Variants in SPADH observed in about 807,000 individuals in gnomAD.
SPADH encodes CUB domain-containing protein.
At chr10:122,674,370 C>T in the SPADH span, among the ~76,000 whole-genome samples, 1 of 152,234 alleles carries the variant, frequency 6.6e-6, no homozygotes, top group Non-Finnish European at 1.5e-5. Flanking sequence ...CAGCTTCTTC[C>T]CCATGCCTCA....
chr10:122,678,578 C>A, the SPADH span, among the ~76,000 whole-genome samples: 2 of 152,268 alleles, frequency 1.3e-5, no homozygotes, highest in South Asian at 2.1e-4. Flanking sequence ...ATGGGCTGGG[C>A]TCCCTGGAAG....
At chr10:122,673,825 C>A in the SPADH span, among the ~76,000 whole-genome samples, 1 of 152,208 alleles carries the variant, frequency 6.6e-6, no homozygotes, top group Admixed American at 6.5e-5. Context: ...GCTGACTGCA[C>A]ACTCACGTCA....
At chr10:122,678,903 A>T in the SPADH span, 5 of 984,908 alleles carry the variant, frequency 5.1e-6, no homozygotes, top group South Asian at 1.9e-4. Flanking sequence ...CCAGGGTCTG[A>T]GTCCTTGGAC....
the SPADH span, among the ~76,000 whole-genome samples, chr10:122,677,983 C>T: frequency 6.6e-6 from 1 of 152,274 alleles, no homozygotes; most frequent in Non-Finnish European, 1.5e-5. Context: ...TGGACATTTT[C>T]CCATATTGTC....
the SPADH span, chr10:122,676,838 GATC>G: frequency 2.0e-6 from 2 of 985,174 alleles, no homozygotes; most frequent in Non-Finnish European, 2.4e-6. Context: ...AATGCGTCTG[GATC>G]ATCGAGTTGA....
At chr10:122,675,233 C>T in the SPADH span, among the ~76,000 whole-genome samples, 904 of 152,246 alleles carry the variant, frequency 5.9e-3, 5 homozygotes, top group Non-Finnish European at 8.8e-3. Flanking sequence ...GAAAGTGGGA[C>T]GTGAGACCTT....
chr10:122,676,412 A>T, the SPADH span, among the ~76,000 whole-genome samples: 3 of 152,208 alleles, frequency 2.0e-5, no homozygotes, highest in Non-Finnish European at 4.4e-5. Flanking sequence ...CTAAGAAAAG[A>T]TCTGTAGGGA....
the SPADH span, among the ~76,000 whole-genome samples, chr10:122,673,512 C>T: frequency 6.6e-6 from 1 of 152,126 alleles, no homozygotes. Flanking sequence ...AGTCACTTGC[C>T]CTCTAGAGGG....
At chr10:122,675,518 G>T in the SPADH span, 1 of 195,182 alleles carries the variant, frequency 5.1e-6, no homozygotes, top group African/African-American at 2.4e-5. Flanking sequence ...GTCCCTTTGT[G>T]CTCAGCTCTG....
the SPADH span, among the ~76,000 whole-genome samples, chr10:122,676,439 T>C: frequency 6.6e-6 from 1 of 152,194 alleles, no homozygotes; most frequent in Admixed American, 6.5e-5. Context: ...AAGATAGTGT[T>C]TGTGCTGATT....
chr10:122,673,382 C>A, the SPADH span, among the ~76,000 whole-genome samples: 2 of 152,244 alleles, frequency 1.3e-5, no homozygotes, highest in South Asian at 4.1e-4. Context: ...TTGGGGGAGC[C>A]CACAGCAGGA....
At chr10:122,672,991 A>G in the SPADH span, 2 of 934,682 alleles carry the variant, frequency 2.1e-6, no homozygotes, top group African/African-American at 3.6e-5. Flanking sequence ...AACTGCAGAG[A>G]TTTTAAAATT....
the SPADH span, among the ~76,000 whole-genome samples, chr10:122,676,596 T>C: frequency 6.6e-6 from 1 of 152,160 alleles, no homozygotes; most frequent in Admixed American, 6.5e-5. Flanking sequence ...AAGCCCACCT[T>C]GTTTGTGGAG....
At chr10:122,677,274 T>G in the SPADH span, among the ~76,000 whole-genome samples, 3 of 152,206 alleles carry the variant, frequency 2.0e-5, no homozygotes, top group South Asian at 6.2e-4. Flanking sequence ...CAGACTCATC[T>G]GCCCTCTGCA....
chr10:122,677,576 C>T, the SPADH span, among the ~76,000 whole-genome samples: 1 of 152,198 alleles, frequency 6.6e-6, no homozygotes, highest in Non-Finnish European at 1.5e-5. Context: ...TAAGTTACTG[C>T]ATTGATATCC....
At chr10:122,678,569 T>G in the SPADH span, among the ~76,000 whole-genome samples, 160 of 152,304 alleles carry the variant, frequency 1.1e-3, no homozygotes, top group African/African-American at 3.8e-3. Flanking sequence ...CCTAGGGCCA[T>G]GGGCTGGGCT....
the SPADH span, among the ~76,000 whole-genome samples, chr10:122,675,234 G>A: frequency 9.7e-4 from 148 of 152,252 alleles, 1 homozygote; most frequent in South Asian, 0.013. Context: ...AAAGTGGGAC[G>A]TGAGACCTTT....
At chr10:122,677,492 G>T in the SPADH span, among the ~76,000 whole-genome samples, 1 of 152,154 alleles carries the variant, frequency 6.6e-6, no homozygotes, top group Admixed American at 6.5e-5. Flanking sequence ...GTCTGTCTTT[G>T]GATTGCAGGT....
At chr10:122,676,795 G>A in the SPADH span, 8 of 985,206 alleles carry the variant, frequency 8.1e-6, no homozygotes, top group African/African-American at 1.2e-4. Flanking sequence ...GATGAATATG[G>A]CAGGATCTTC....
Sources: gnomAD v4.1 joint callset for allele counts (sites outside exome capture counted in the v4.1 genomes callset) on GRCh38, gnomAD v4.1.1 for gene constraint, MANE v1.5 for transcripts, NCBI Gene and HGNC (gene_info 2026-07-23, HGNC 2026-07-21) for gene names.